Variants in TCF12 observed in about 807,000 individuals in gnomAD.
TCF12 encodes the protein transcription factor 12.
In TCF12, 45 loss-of-function variants were observed where a neutral mutation model predicts 86.0. That is an observed-to-expected ratio of 0.52 (90% CI 0.41 to 0.67). The LOEUF (loss-of-function observed/expected upper bound fraction) is 0.67. TCF12 is among the 30% of genes least tolerant of loss of function. The pLI, the probability that TCF12 is intolerant of heterozygous loss-of-function variation, is 0.00. For missense variants in TCF12, 881 were observed against 859.9 expected (o/e 1.02, Z -0.31); for synonymous variants, 330 against 299.6 (o/e 1.10, Z -1.05).
chr15:57,148,096 C>G (rs1299567741), intron 5 of TCF12, among the ~76,000 whole-genome samples: 1 of 151,852 alleles, frequency 6.6e-6, no homozygotes, highest in African/African-American at 2.4e-5. Flanking sequence ...GTTGCCCAGG[C>G]TGGTGTCAAA....
At chr15:57,137,390 A>C (rs2052629248) in intron 5 of TCF12, among the ~76,000 whole-genome samples, 1 of 152,242 alleles carries the variant, frequency 6.6e-6, no homozygotes, top group African/African-American at 2.4e-5. Context: ...ATGAATAATG[A>C]AATTTTTTTC....
intron 8 of TCF12, among the ~76,000 whole-genome samples, chr15:57,206,525 T>C (rs1350247862): frequency 1.3e-5 from 2 of 151,380 alleles, no homozygotes; most frequent in Admixed American, 6.6e-5. Flanking sequence ...AAAAATAAAA[T>C]TAAATACTTC....
At chr15:56,943,961 T>G (rs534438411) in intron 3 of TCF12, among the ~76,000 whole-genome samples, 3 of 152,160 alleles carry the variant, frequency 2.0e-5, no homozygotes, top group African/African-American at 7.2e-5. Flanking sequence ...ACCTACTTAA[T>G]TTTTAGGCAG....
At chr15:57,014,630 G>C (rs2065038249) in intron 3 of TCF12, among the ~76,000 whole-genome samples, 1 of 152,058 alleles carries the variant, frequency 6.6e-6, no homozygotes, top group African/African-American at 2.4e-5. Context: ...TTCTCTCAGA[G>C]GTTGCCACAG....
At chr15:57,282,743 C>G in intron 20 of TCF12, 145 bp downstream of exon 20, 1 of 1,079,016 alleles carries the variant, frequency 9.3e-7, no homozygotes, top group South Asian at 1.6e-5. Flanking sequence ...GTTTGTCTTT[C>G]TGTTACATTA....
intron 3 of TCF12, among the ~76,000 whole-genome samples, chr15:57,047,562 A>T (rs2067315512): frequency 3.3e-5 from 5 of 152,214 alleles, no homozygotes. Context: ...CTTGAGCAGC[A>T]ATTGATTATC....
chr15:57,119,274 T>G (rs1188832510), intron 5 of TCF12, among the ~76,000 whole-genome samples: 2 of 151,522 alleles, frequency 1.3e-5, no homozygotes, highest in East Asian at 1.9e-4. Flanking sequence ...GGTTTTGTTT[T>G]TTTGTTTGTT....
chr15:57,131,492 A>G (rs758571421), intron 5 of TCF12, among the ~76,000 whole-genome samples: 13 of 152,192 alleles, frequency 8.5e-5, no homozygotes, highest in East Asian at 5.8e-4. Flanking sequence ...TTTAAGTCCA[A>G]TATTACTGTT....
intron 5 of TCF12, among the ~76,000 whole-genome samples, chr15:57,138,795 T>G (rs1191769365): frequency 6.6e-6 from 1 of 152,232 alleles, no homozygotes; most frequent in Non-Finnish European, 1.5e-5. Context: ...TAAGCCATTA[T>G]GTAGTCATTT....
intron 6 of TCF12, among the ~76,000 whole-genome samples, chr15:57,170,721 A>T (rs56001512): frequency 0.56 from 14,006 of 24,988 alleles, 2,614 homozygotes; most frequent in East Asian, 0.61. Context: ...TAATATATAT[A>T]TTATATATTA....
chr15:56,994,409 AT>A (rs2063598125), intron 3 of TCF12, among the ~76,000 whole-genome samples: 1 of 152,178 alleles, frequency 6.6e-6, no homozygotes, highest in African/African-American at 2.4e-5. Flanking sequence ...TTTTGAGAAA[AT>A]ATTTGAAGAA....
chr15:57,222,223 T>G (rs1460637943), intron 8 of TCF12, among the ~76,000 whole-genome samples: 2 of 143,552 alleles, frequency 1.4e-5, no homozygotes, highest in African/African-American at 5.2e-5. Flanking sequence ...TTCCCTTTTT[T>G]CCAGTTTTTT....
chr15:57,167,178 C>A (rs1235322531), intron 6 of TCF12, among the ~76,000 whole-genome samples: 3 of 152,210 alleles, frequency 2.0e-5, no homozygotes, highest in Non-Finnish European at 4.4e-5. Flanking sequence ...GCTAATAATA[C>A]TCCATTTAAT....
At chr15:57,167,590 G>A (rs936117390) in intron 6 of TCF12, among the ~76,000 whole-genome samples, 5 of 151,182 alleles carry the variant, frequency 3.3e-5, no homozygotes, top group African/African-American at 9.7e-5. Context: ...AGGGAAGGAG[G>A]GAAGAGAAGG....
At chr15:56,935,957 G>A (rs554040913) in intron 3 of TCF12, among the ~76,000 whole-genome samples, 1 of 152,274 alleles carries the variant, frequency 6.6e-6, no homozygotes, top group African/African-American at 2.4e-5. Context: ...ATAAACGTGT[G>A]TGCAAGTATT....
chr15:57,240,361 A>G (rs1004216639), intron 12 of TCF12, among the ~76,000 whole-genome samples: 2 of 152,220 alleles, frequency 1.3e-5, no homozygotes, highest in East Asian at 1.9e-4. Context: ...AATACGAAAG[A>G]AGGAGTATGT....
chr15:57,057,856 C>G (rs1041318613), intron 3 of TCF12, among the ~76,000 whole-genome samples: 1 of 152,104 alleles, frequency 6.6e-6, no homozygotes, highest in Non-Finnish European at 1.5e-5. Context: ...ATAGCATCAA[C>G]GTTTTGTTTT....
At chr15:57,150,170 G>A (rs1173967367) in intron 5 of TCF12, among the ~76,000 whole-genome samples, 1 of 152,156 alleles carries the variant, frequency 6.6e-6, no homozygotes, top group Non-Finnish European at 1.5e-5. Flanking sequence ...TATGGGACTA[G>A]GATTTATAGG....
At chr15:56,935,934 A>C (rs994200728) in intron 3 of TCF12, among the ~76,000 whole-genome samples, 7 of 152,258 alleles carry the variant, frequency 4.6e-5, no homozygotes, top group African/African-American at 1.7e-4. Flanking sequence ...TATTTTTGCA[A>C]TTGTGAATTG....
Sources: gnomAD v4.1 joint callset for allele counts (sites outside exome capture counted in the v4.1 genomes callset) on GRCh38, gnomAD v4.1.1 for gene constraint, MANE v1.5 for transcripts, NCBI Gene and HGNC (gene_info 2026-07-23, HGNC 2026-07-21) for gene names.